RNPC3: variants seen among roughly 807,000 people sequenced by gnomAD.
RNPC3 encodes RNA binding region (RNP1, RRM) containing 3, also known as RNA-binding region-containing protein 3.
Under a neutral mutation model 67.5 loss-of-function variants are expected in RNPC3, and 48 were observed. The observed-to-expected ratio is 0.71, with a 90% confidence interval of 0.56 to 0.90. The LOEUF (loss-of-function observed/expected upper bound fraction) is 0.90, where lower values mean the gene tolerates loss of function less well. Ranked by LOEUF, RNPC3 falls within the 40% of genes least tolerant of loss-of-function variation. The pLI is 0.00. For missense variants in RNPC3, 637 were observed against 626.1 expected (o/e 1.02, Z -0.19); for synonymous variants, 239 against 210.3 (o/e 1.14, Z -1.18).
At chr1:103,527,791 C>CA in intron 2 of RNPC3, 49 bp downstream of exon 2, 1 of 1,325,420 alleles carries the variant, frequency 7.5e-7, no homozygotes, top group Non-Finnish European at 1.1e-6. Context: ...TCCTCTTATA[C>CA]AATCTTGGTT....
intron 8 of RNPC3, among the ~76,000 whole-genome samples, chr1:103,542,336 G>A (rs550575813): frequency 2.6e-5 from 4 of 151,998 alleles, no homozygotes; most frequent in African/African-American, 9.6e-5. Context: ...AAGAATAAAA[G>A]GAAAGTTTCC....
intron 7 of RNPC3, among the ~76,000 whole-genome samples, chr1:103,538,215 A>G (rs917736296): frequency 2.0e-5 from 3 of 152,202 alleles, no homozygotes; most frequent in African/African-American, 4.8e-5. Context: ...GAGTCAGCCA[A>G]CACACACGTT....
At chr1:103,548,716 A>G (rs532592600) in intron 12 of RNPC3, among the ~76,000 whole-genome samples, 1 of 152,198 alleles carries the variant, frequency 6.6e-6, no homozygotes, top group East Asian at 1.9e-4. Flanking sequence ...TTGCTTCCAC[A>G]TTTTTGGGTA....
chr1:103,527,859 C>A, intron 2 of RNPC3, 117 bp downstream of exon 2: 1 of 674,622 alleles, frequency 1.5e-6, no homozygotes, highest in Non-Finnish European at 2.5e-6. Context: ...CCAACAGTTT[C>A]CCCAACAGAC....
At position 103,541,333 on chromosome 1, in the gene RNPC3, C is replaced by T; in HGVS notation, c.768-17C>T. ...CTAGAAAGGAAATTTTGTTTATCAT[C>T]CCTCTCCTCATTGTAGAATGAACAA... is the stretch of plus-strand genomic sequence containing the variant. On this transcript the variant is annotated splice_polypyrimidine_tract_variant and intron_variant, in intron 7 of 14. Transcript: ENST00000423855. 3.4e-6 allele frequency: 5 copies of T among 1,488,466 alleles called. No homozygotes were observed. The highest frequency in any genetic ancestry group is 4.4e-6 in the Non-Finnish European group (5 of 1,129,228). 92.2% of individuals were successfully genotyped at this position (1,488,466 alleles called of 1,614,324 possible). A position where few individuals can be genotyped will look rare whatever the true frequency, so the allele number is the denominator to read the frequency against.
At chr1:103,548,872 G>A (rs1214697508) in intron 12 of RNPC3, among the ~76,000 whole-genome samples, 2 of 152,232 alleles carry the variant, frequency 1.3e-5, no homozygotes, top group African/African-American at 2.4e-5. Context: ...GGCCAGGGAA[G>A]CCTCACAATC....
intron 1 of RNPC3, 52 bp from the exon 2 acceptor site, chr1:103,527,643 G>C: frequency 7.3e-7 from 1 of 1,369,844 alleles, no homozygotes; most frequent in South Asian, 1.3e-5. Flanking sequence ...AGATTTCTTT[G>C]TGAGAAACTG....
intron 2 of RNPC3, among the ~76,000 whole-genome samples, chr1:103,531,508 A>G (rs1405147135): frequency 6.6e-6 from 1 of 152,120 alleles, no homozygotes; most frequent in Non-Finnish European, 1.5e-5. Flanking sequence ...GCCAACATCT[A>G]TTATGTTTTG....
chr1:103,527,513 C>CT (rs750150514), intron 1 of RNPC3, among the ~76,000 whole-genome samples, 182 bp from the exon 2 acceptor site: 6 of 152,150 alleles, frequency 3.9e-5, no homozygotes, highest in Non-Finnish European at 7.4e-5. Context: ...CATCTCAAGT[C>CT]TGACTCAAAA....
chr1:103,544,937 T>G lies in RNPC3; in HGVS notation c.1046-4T>G. 6.6e-7 allele frequency: 1 copy of G among 1,517,660 alleles called. No individual in the cohort carries two copies. The allele number at this position is 1,517,660 out of a possible 1,614,324, so 94.0% of individuals were successfully genotyped here. On this transcript the variant is annotated splice_polypyrimidine_tract_variant and splice_region_variant and intron_variant, in intron 9 of 14. Coordinates refer to ENST00000423855, the MANE Select transcript of RNPC3 (RefSeq NM_017619.4). Reference sequence around the variant, plus strand: ...AATGGTTAATGTTAATATTGAACTCTTAGATTTACCTGCTACTGAAGTTGA... The same window carrying G: ...AATGGTTAATGTTAATATTGAACTCGTAGATTTACCTGCTACTGAAGTTGA...
chr1:103,536,634 C>A (rs1009471504), intron 6 of RNPC3, among the ~76,000 whole-genome samples: 2 of 152,034 alleles, frequency 1.3e-5, no homozygotes, highest in African/African-American at 4.8e-5. Context: ...TTTAGTTATT[C>A]TTTTGCTGTA....
intron 2 of RNPC3, among the ~76,000 whole-genome samples, chr1:103,531,730 A>G (rs962526952): frequency 1.3e-5 from 2 of 151,984 alleles, no homozygotes; most frequent in Non-Finnish European, 2.9e-5. Flanking sequence ...GATTCTGGAC[A>G]TTAGTGGTTT....
chr1:103,549,497 A>G (rs1651333134), intron 12 of RNPC3, among the ~76,000 whole-genome samples: 1 of 152,062 alleles, frequency 6.6e-6, no homozygotes, highest in Non-Finnish European at 1.5e-5. Context: ...CTTTGTTGCC[A>G]TCTTTGAGTC....
In RNPC3 at chr1:103,526,049, T is replaced by C; in HGVS notation, c.-22T>C. ...GACTGAGACTTCTTCCCACGATTTC[T>C]GTTTTTGCTTCTCCAAGGAAAATGG... On this transcript the variant is annotated 5_prime_UTR_variant, in exon 1 of 15. Coordinates refer to ENST00000423855, the MANE Select transcript of RNPC3 (RefSeq NM_017619.4). The C allele has an allele frequency of 6.7e-7, 1 of 1,497,440 alleles. No individual in the cohort carries two copies. The highest frequency in any genetic ancestry group is 9.0e-7 in the Non-Finnish European group (1 of 1,113,932). The allele number at this position is 1,497,440 out of a possible 1,614,324, so 92.8% of individuals were successfully genotyped here.
Position 103,527,699 on chromosome 1 carries a change from A to T in RNPC3, c.197A>T (p.His66Leu), listed in dbSNP as rs1317970013. 1.3e-6 allele frequency: 2 copies of T among 1,548,030 alleles called. No individual in the cohort carries two copies. Among genetic ancestry groups the T allele is most frequent in the Non-Finnish European group, 1.7e-6 (2 of 1,144,456 alleles). Reference protein sequence around the residue: ...RVLSDKGRLKHTAFATFPNEK... With the variant: ...RVLSDKGRLKLTAFATFPNEK... Reference sequence around the variant, plus strand: ...TGTACCTTAACTCTGTTTCAGAAACATACAGCTTTTGCCACATTCCCTAAT... The same window carrying T: ...TGTACCTTAACTCTGTTTCAGAAACTTACAGCTTTTGCCACATTCCCTAAT... Residue 66 changes from histidine (H) to leucine (L), a missense_variant, in exon 2 of 15, where the codon CAT (histidine) becomes CTT (leucine). His to Leu is a moderately conservative substitution (Grantham distance 99). Around this residue, in one of 3 missense-constraint regions of RNPC3, gnomAD observed 536 missense variants for 500.3 expected, o/e 1.07. Transcript: ENST00000423855.
At chr1:103,529,331 G>T (rs547269647) in intron 2 of RNPC3, among the ~76,000 whole-genome samples, 4 of 151,976 alleles carry the variant, frequency 2.6e-5, no homozygotes, top group Admixed American at 2.6e-4. Flanking sequence ...AATGAAAAAC[G>T]CATTGTTTTA....
intron 13 of RNPC3, 129 bp from the exon 14 acceptor site, chr1:103,551,590 GAA>G (rs1334226771): frequency 1.8e-6 from 1 of 559,024 alleles, no homozygotes; most frequent in African/African-American, 2.0e-5. Flanking sequence ...CTCAAGTCAT[GAA>G]GAGAGGCAGG....
Position 103,533,855 on chromosome 1 carries a change from A to AG in RNPC3, c.357_358insG (p.Arg120GlufsTer3). ...CCACTTCAGGCTCTGAAAAAAAAAA[A>AG]AGGTATGTAGATCAGTAAATCATAC... On this transcript the variant is annotated frameshift_variant and splice_region_variant, in exon 3 of 15. Transcript: ENST00000423855. LOFTEE classifies it high-confidence loss of function. 1 of 1,420,410 alleles carries AG rather than the reference A, an allele frequency of 7.0e-7. No individual in the cohort carries two copies. The allele number at this position is 1,420,410 out of a possible 1,614,324, so 88.0% of individuals were successfully genotyped here. A position where few individuals can be genotyped will look rare whatever the true frequency, so the allele number is the denominator to read the frequency against.
At chr1:103,530,563 T>A (rs1479834170) in intron 2 of RNPC3, among the ~76,000 whole-genome samples, 1 of 152,024 alleles carries the variant, frequency 6.6e-6, no homozygotes, top group African/African-American at 2.4e-5. Flanking sequence ...GGATTTGAAG[T>A]CAGAGAAGTC....
Sources: allele counts gnomAD v4.1 joint callset (sites outside exome capture counted in the v4.1 genomes callset), GRCh38; gene constraint gnomAD v4.1.1; regional missense constraint gnomAD v4.1.1; transcripts MANE v1.5; gene names NCBI Gene and HGNC (gene_info 2026-07-23, HGNC 2026-07-21).